The following DENND2D variants were observed in gnomAD, a reference collection of about 807,000 sequenced individuals.
The protein encoded by DENND2D is DENN domain containing 2D.
In DENND2D, 37 loss-of-function variants were observed where a neutral mutation model predicts 59.8. That is an observed-to-expected ratio of 0.62 (90% CI 0.48 to 0.81). The LOEUF is 0.81. DENND2D is among the 40% of genes least tolerant of loss of function. The pLI, the probability that DENND2D is intolerant of heterozygous loss-of-function variation, is 0.00. For missense variants in DENND2D, 525 were observed against 579.7 expected, an observed-to-expected ratio of 0.91 and a Z score of 0.97; for synonymous variants, 219 against 211.3, an observed-to-expected ratio of 1.04 and a Z score of -0.31.
chr1:111,197,726 G>C, intron 4 of DENND2D, 194 bp downstream of exon 4: 1 of 1,423,800 alleles, frequency 7.0e-7, no homozygotes, highest in African/African-American at 1.4e-5. Context: ...CCAGCAGCGG[G>C]AGAAGGGGCA....
Position 111,196,089 on chromosome 1 carries a change from C to T in DENND2D, c.505-33G>A, listed in dbSNP as rs773297086. On this transcript the variant is annotated intron_variant, in intron 5 of 11. Coordinates refer to ENST00000357640, the MANE Select transcript of DENND2D (RefSeq NM_024901.5). ...GAAAAGAACCACGGGAGGCACGGCT[C>T]AAAGGGACACTACCAGGCAGGTGGA... 3.8e-6 allele frequency: 6 copies of T among 1,578,752 alleles called. No individual in the cohort carries two copies. The Admixed American group carries it at 8.8e-5, about 23-fold the overall frequency.
At chr1:111,204,405 C>G (rs556036580), upstream of DENND2D, 46 of 1,345,348 alleles carry the variant, frequency 3.4e-5, no homozygotes, top group South Asian at 9.2e-5. Context: ...GCCCCGCCCC[C>G]CTATCCTTGA....
chr1:111,198,236 T>C (rs1658437493), intron 3 of DENND2D, among the ~76,000 whole-genome samples: 2 of 152,234 alleles, frequency 1.3e-5, no homozygotes, highest in South Asian at 4.1e-4. Context: ...GTGCTTCTTA[T>C]TCAAGGTCAC....
intron 4 of DENND2D, 70 bp from the exon 5 acceptor site, chr1:111,197,323 G>A: frequency 6.4e-7 from 1 of 1,560,446 alleles, no homozygotes; most frequent in South Asian, 1.2e-5. Context: ...TGGGTATGAA[G>A]GAGCACAAGG....
upstream of DENND2D, chr1:111,204,309 C>T: frequency 6.7e-7 from 1 of 1,482,820 alleles, no homozygotes. Context: ...CATGGCCGCG[C>T]TTCAGTCTCA....
At position 111,190,658 on chromosome 1, in the gene DENND2D, A is replaced by G. The variant is rs568801584; in HGVS notation, c.973-1405T>C. ...TTTACCGTAACTTCCCAAATCATGT[A>G]TTGGTCATTTAAATGCCCGCTGGGC... is the stretch of plus-strand genomic sequence containing the variant. On this transcript the variant is annotated intron_variant, in intron 8 of 11. Coordinates refer to ENST00000357640, the MANE Select transcript of DENND2D (RefSeq NM_024901.5). Among the ~76,000 whole-genome samples the G allele has an allele frequency of 1.5e-3, 226 of 152,300 alleles. 7 individuals carry two copies. The South Asian group carries it at 0.046, about 31-fold the overall frequency.
upstream of DENND2D, chr1:111,204,402 C>G: frequency 7.4e-7 from 1 of 1,348,870 alleles, no homozygotes; most frequent in Non-Finnish European, 9.5e-7. Context: ...CTGGCCCCGC[C>G]CCCCTATCCT....
chr1:111,189,739 A>G (rs1657556799), intron 8 of DENND2D, among the ~76,000 whole-genome samples: 1 of 152,212 alleles, frequency 6.6e-6, no homozygotes, highest in African/African-American at 2.4e-5. Context: ...ATTTTTTTCC[A>G]AGCCTAGACT....
Position 111,197,133 on chromosome 1 carries a change from A to G in DENND2D, c.504+43T>C, listed in dbSNP as rs1553243646. The G allele has an allele frequency of 2.3e-5, 37 of 1,579,368 alleles. No individual in the cohort carries two copies. In the South Asian group the frequency reaches 4.2e-4, roughly 18 times the overall value. The stretch of plus-strand genomic sequence containing the variant: ...GCACAGGCAGGGTTGGCAGCCAGAG[A>G]CAGCCTGGAATATGGGCAGGCCCTG... On this transcript the variant is annotated intron_variant, in intron 5 of 11. Coordinates refer to ENST00000357640, the MANE Select transcript of DENND2D (RefSeq NM_024901.5).
intron 2 of DENND2D, 59 bp from the exon 3 acceptor site, chr1:111,198,801 C>G: frequency 6.3e-7 from 1 of 1,578,936 alleles, no homozygotes; most frequent in Non-Finnish European, 8.7e-7. Context: ...TAGCAGGAGA[C>G]AGCTTCAGAG....
rs376517718 is a variant in DENND2D, at chr1:111,194,618, C to G, written c.754G>C (p.Val252Leu). 2.5e-6 allele frequency: 4 copies of G among 1,613,994 alleles called. No individual in the cohort carries two copies. Among genetic ancestry groups the G allele is most frequent in the Non-Finnish European group, 3.4e-6 (4 of 1,180,008 alleles). The change falls in exon 7 of 12, where the codon GTG becomes CTG. Residue 252 changes from valine (V) to leucine (L), a missense_variant. This residue lies in a region of DENND2D where 47 missense variants were observed against 80.9 expected (regional missense o/e 0.58). Transcript: ENST00000357640. ...EQILQIFASAVLERKIIFLAE... is the reference protein window; with the variant it reads ...EQILQIFASALLERKIIFLAE... Reference sequence around the variant, plus strand: ...AGGAAGATGATTTTTCTCTCCAGCACGGCAGAGGCAAAGATCTGAAGTATC... The same window carrying G: ...AGGAAGATGATTTTTCTCTCCAGCAGGGCAGAGGCAAAGATCTGAAGTATC...
intron 2 of DENND2D, among the ~76,000 whole-genome samples, 158 bp downstream of exon 2, chr1:111,199,465 T>C (rs1254821508): frequency 6.6e-6 from 1 of 152,204 alleles, no homozygotes; most frequent in Non-Finnish European, 1.5e-5. Context: ...GAACTGGGGC[T>C]GTGCTAAGAA....
In DENND2D at chr1:111,198,746, T is replaced by C. The variant is rs1557963661; in HGVS notation, c.244-4A>G. On this transcript the variant is annotated splice_region_variant and splice_polypyrimidine_tract_variant and intron_variant, in intron 2 of 11. Coordinates refer to ENST00000357640, the MANE Select transcript of DENND2D (RefSeq NM_024901.5). ...GACCCCGAAGCAGGTTCTCCCGCTATAAGGCAAAGGAAAAGACAAGTGGAT... is the reference window on the plus strand; with the variant it reads ...GACCCCGAAGCAGGTTCTCCCGCTACAAGGCAAAGGAAAAGACAAGTGGAT... 1 of 1,613,942 alleles carries C rather than the reference T, an allele frequency of 6.2e-7. No individual in the cohort carries two copies. The highest frequency in any genetic ancestry group is 1.3e-5 in the African/African-American group (1 of 74,906).
chr1:111,196,346 G>A, intron 5 of DENND2D: 1 of 235,888 alleles, frequency 4.2e-6, no homozygotes, highest in Non-Finnish European at 8.3e-6. Flanking sequence ...CAACATAAAA[G>A]CACCTCCCTG....
intron 3 of DENND2D, 36 bp downstream of exon 3, chr1:111,198,594 C>T (rs779238633): frequency 2.5e-6 from 4 of 1,604,994 alleles, no homozygotes; most frequent in South Asian, 2.2e-5. Context: ...TCCTTCTCCC[C>T]AAATCCAATA....
Position 111,196,063 on chromosome 1 carries a change from G to T in DENND2D, c.505-7C>A. ...TCTCCACTTCATCCAGGATCTGCAG[G>T]GAAAAGAACCACGGGAGGCACGGCT... is the stretch of plus-strand genomic sequence containing the variant. On this transcript the variant is annotated splice_polypyrimidine_tract_variant and splice_region_variant and intron_variant, in intron 5 of 11. Transcript: ENST00000357640. 6.2e-7 allele frequency: 1 copy of T among 1,603,074 alleles called. No individual in the cohort carries two copies. Among genetic ancestry groups the T allele is most frequent in the Non-Finnish European group, 8.5e-7 (1 of 1,173,716 alleles).
intron 5 of DENND2D, 147 bp downstream of exon 5, chr1:111,197,029 C>T: frequency 2.3e-6 from 2 of 875,478 alleles, no homozygotes; most frequent in East Asian, 2.7e-5. Context: ...CAAGTGCATG[C>T]CCCTTTGCCT....
Position 111,186,423 on chromosome 1 carries a change from C to T in DENND2D, c.*1182G>A, listed in dbSNP as rs1163251983. Among the ~76,000 whole-genome samples the T allele has an allele frequency of 6.6e-6, 1 of 152,186 alleles. No homozygotes were observed. The highest frequency in any genetic ancestry group is 2.1e-4 in the South Asian group (1 of 4,826). On this transcript the variant is annotated 3_prime_UTR_variant, in exon 12 of 12. Transcript: ENST00000357640. ...CACTCCCAAAAGCAAATTACATTGG[C>T]TTGAACTTCAGTATGCCCGGTTCCA... is the stretch of plus-strand genomic sequence containing the variant.
chr1:111,188,388 G>C lies in DENND2D; in HGVS notation c.1100-18C>G, dbSNP rs372717111. The C allele has an allele frequency of 8.8e-5, 141 of 1,611,078 alleles. No homozygotes were observed. Among genetic ancestry groups the C allele is most frequent in the Non-Finnish European group, 1.1e-4 (124 of 1,178,610 alleles). ...TTCTGCAGCTGCAGGAGATATAAAGGCCATCTCAGAGGGTAGCAGAAGGAT... is the reference window on the plus strand; with the variant it reads ...TTCTGCAGCTGCAGGAGATATAAAGCCCATCTCAGAGGGTAGCAGAAGGAT... On this transcript the variant is annotated intron_variant, in intron 10 of 11. Transcript: ENST00000357640.
Sources: allele counts gnomAD v4.1 joint callset (sites outside exome capture counted in the v4.1 genomes callset), GRCh38; gene constraint gnomAD v4.1.1; regional missense constraint gnomAD v4.1.1; transcripts MANE v1.5; gene names NCBI Gene and HGNC (gene_info 2026-07-23, HGNC 2026-07-21).